The following PABPC4L variants were observed in gnomAD, a reference collection of about 807,000 sequenced individuals.
PABPC4L encodes poly(A) binding protein cytoplasmic 4 like.
For synonymous variants in PABPC4L, 169 were observed against 164.1 expected (o/e 1.03, Z -0.23); for missense variants, 452 against 451.4 (o/e 1.00, Z -0.01).
the PABPC4L span, among the ~76,000 whole-genome samples, chr4:134,142,316 A>C: frequency 1.3e-5 from 2 of 151,824 alleles, no homozygotes; most frequent in South Asian, 2.1e-4. Context: ...ATCAGAATAA[A>C]GGATTGTCAT....
chr4:134,028,646 C>A, the PABPC4L span, among the ~76,000 whole-genome samples: 1 of 152,048 alleles, frequency 6.6e-6, no homozygotes, highest in African/African-American at 2.4e-5. Flanking sequence ...AGTGTGCTTC[C>A]TCCCATGATA....
the PABPC4L span, among the ~76,000 whole-genome samples, chr4:134,140,180 T>G: frequency 0.011 from 1,735 of 151,862 alleles, 36 homozygotes; most frequent in African/African-American, 0.037. Flanking sequence ...CTAACAGTAT[T>G]GGATGGTATT....
chr4:134,186,896 A>T, the PABPC4L span, among the ~76,000 whole-genome samples: 5 of 152,066 alleles, frequency 3.3e-5, no homozygotes, highest in Non-Finnish European at 5.9e-5. Context: ...ATGAACAGAA[A>T]CTCCTCAAAA....
chr4:134,106,442 A>G, the PABPC4L span, among the ~76,000 whole-genome samples: 1 of 151,154 alleles, frequency 6.6e-6, no homozygotes, highest in Non-Finnish European at 1.5e-5. Flanking sequence ...TAAGAAAGAA[A>G]GAAAGAGAAA....
At chr4:133,976,318 G>A in the PABPC4L span, among the ~76,000 whole-genome samples, 2 of 152,170 alleles carry the variant, frequency 1.3e-5, no homozygotes, top group African/African-American at 2.4e-5. Flanking sequence ...GTATTCCATA[G>A]TGTATATGTA....
the PABPC4L span, among the ~76,000 whole-genome samples, chr4:134,084,248 T>C: frequency 6.6e-6 from 1 of 152,012 alleles, no homozygotes; most frequent in Admixed American, 6.6e-5. Flanking sequence ...GGTCTCCCGA[T>C]GTTTCCCAGG....
At chr4:134,050,084 A>G in the PABPC4L span, among the ~76,000 whole-genome samples, 6 of 152,298 alleles carry the variant, frequency 3.9e-5, no homozygotes, top group African/African-American at 1.4e-4. Flanking sequence ...TAGATGAAGT[A>G]TATTGCTGAA....
At chr4:133,978,524 A>G in the PABPC4L span, among the ~76,000 whole-genome samples, 1 of 151,748 alleles carries the variant, frequency 6.6e-6, no homozygotes, top group Non-Finnish European at 1.5e-5. Flanking sequence ...TTAGAGGTGG[A>G]AGGATAGCTT....
chr4:133,976,203 G>A, the PABPC4L span, among the ~76,000 whole-genome samples: 1 of 152,054 alleles, frequency 6.6e-6, no homozygotes, highest in African/African-American at 2.4e-5. Context: ...GAGAATATGT[G>A]GTGTTCGGTT....
At chr4:133,956,839 G>A in the PABPC4L span, among the ~76,000 whole-genome samples, 1 of 152,150 alleles carries the variant, frequency 6.6e-6, no homozygotes, top group Non-Finnish European at 1.5e-5. Flanking sequence ...CAAAGCAGGG[G>A]AAAGCCCATT....
chr4:133,948,823 C>T, the PABPC4L span, among the ~76,000 whole-genome samples: 1 of 152,112 alleles, frequency 6.6e-6, no homozygotes, highest in Admixed American at 6.5e-5. Context: ...ATTTACATCC[C>T]CATATCTGGT....
chr4:133,951,584 G>A, the PABPC4L span, among the ~76,000 whole-genome samples: 1 of 152,042 alleles, frequency 6.6e-6, no homozygotes, highest in Non-Finnish European at 1.5e-5. Context: ...AAAGCAACAG[G>A]TTGCCTCTTC....
chr4:134,159,030 A>C, the PABPC4L span, among the ~76,000 whole-genome samples: 1 of 152,178 alleles, frequency 6.6e-6, no homozygotes, highest in African/African-American at 2.4e-5. Flanking sequence ...ATAGAACATA[A>C]AAGATAAAAA....
At chr4:134,122,656 A>T in the PABPC4L span, among the ~76,000 whole-genome samples, 2 of 151,994 alleles carry the variant, frequency 1.3e-5, no homozygotes, top group Admixed American at 1.3e-4. Context: ...ACTTGATAGC[A>T]TTAGTTGCTA....
At chr4:134,185,360 C>T in the PABPC4L span, among the ~76,000 whole-genome samples, 2 of 152,210 alleles carry the variant, frequency 1.3e-5, no homozygotes, top group African/African-American at 4.8e-5. Context: ...GGCTTCATCC[C>T]TGGCATGCAA....
the PABPC4L span, chr4:133,977,885 C>T: frequency 6.6e-6 from 1 of 152,138 alleles, no homozygotes; most frequent in Admixed American, 6.5e-5. Flanking sequence ...ACTAATATAA[C>T]ATTTGTTTTT....
chr4:133,966,393 G>A, the PABPC4L span, among the ~76,000 whole-genome samples: 1 of 152,312 alleles, frequency 6.6e-6, no homozygotes, highest in African/African-American at 2.4e-5. Flanking sequence ...GCAAAACAGT[G>A]TGGAGATTCC....
the PABPC4L span, among the ~76,000 whole-genome samples, chr4:134,064,173 G>A: frequency 0.19 from 28,421 of 151,784 alleles, 3,296 homozygotes; most frequent in Admixed American, 0.25. Flanking sequence ...ATCTAAATCC[G>A]ATGAGTATTG....
At chr4:134,007,499 A>T in the PABPC4L span, among the ~76,000 whole-genome samples, 5 of 151,626 alleles carry the variant, frequency 3.3e-5, no homozygotes, top group Non-Finnish European at 5.9e-5. Flanking sequence ...TATCTCATCT[A>T]TCCCACACAA....
Sources: allele counts gnomAD v4.1 joint callset (sites outside exome capture counted in the v4.1 genomes callset), GRCh38; gene constraint gnomAD v4.1.1; transcripts MANE v1.5; gene names NCBI Gene and HGNC (gene_info 2026-07-23, HGNC 2026-07-21).